Variants in PHACTR2 observed in about 807,000 individuals in gnomAD.
The protein encoded by PHACTR2 is phosphatase and actin regulator 2.
In PHACTR2, 30 loss-of-function variants were observed where a neutral mutation model predicts 76.0. That is an observed-to-expected ratio of 0.39 (90% CI 0.30 to 0.54). PHACTR2 has a LOEUF of 0.54. Among genes scored for constraint, PHACTR2 ranks in the 20% least tolerant of loss-of-function variants. The pLI, the probability that PHACTR2 is intolerant of heterozygous loss-of-function variation, is 0.61. For missense variants in PHACTR2, 696 were observed against 781.1 expected, an observed-to-expected ratio of 0.89 and a Z score of 1.30; for synonymous variants, 292 against 292.5, an observed-to-expected ratio of 1.00 and a Z score of 0.02.
chr6:143,563,728 G>A, intron 1 of PHACTR2, among the ~76,000 whole-genome samples: 1 of 151,914 alleles, frequency 6.6e-6, no homozygotes, highest in Non-Finnish European at 1.5e-5. Context: ...GCGCACGGTG[G>A]CTCATGCCTG....
Position 143,599,229 on chromosome 6 carries a change from T to G in PHACTR2, c.217+62022T>G, listed in dbSNP as rs1403462454. ...TAATCTAAAGCCTATGTGTTAATACTCTTTAAAAAAATAAAACTACTAGAT... is the reference window on the plus strand; with the variant it reads ...TAATCTAAAGCCTATGTGTTAATACGCTTTAAAAAAATAAAACTACTAGAT... On this transcript the variant is annotated intron_variant, in intron 1 of 11. Coordinates refer to the PHACTR2 transcript ENST00000367584. The surrounding 1 kb of genome is among the most constrained non-coding windows in gnomAD (Gnocchi z 4.6). 6.6e-6 allele frequency among the ~76,000 whole-genome samples: 1 copy of G among 152,226 alleles called. No homozygotes were observed. The highest frequency in any genetic ancestry group is 1.5e-5 in the Non-Finnish European group (1 of 68,044).
In PHACTR2 at chr6:143,755,420, T is replaced by C; in HGVS notation, c.454+1508T>C. 1 of 455,140 alleles carries C rather than the reference T, an allele frequency of 2.2e-6. No individual in the cohort carries two copies. Among genetic ancestry groups the C allele is most frequent in the Admixed American group, 2.4e-5 (1 of 42,470 alleles). The allele number at this position is 455,140 out of a possible 1,614,324, so 28.2% of individuals were successfully genotyped here. A position where few individuals can be genotyped will look rare whatever the true frequency, so the allele number is the denominator to read the frequency against. ...CTGGTGCCTGGTCCGTGCAGGGTAT[T>C]CGTCACTGGACTGGCCAGACATCAA... On this transcript the variant is annotated intron_variant, in intron 4 of 12. Transcript: ENST00000440869. The surrounding 1 kb of genome is among the most constrained non-coding windows in gnomAD (Gnocchi z 5.2).
chr6:143,650,942 G>T (rs111456008), intron 1 of PHACTR2, among the ~76,000 whole-genome samples: 1,741 of 152,042 alleles, frequency 0.011, 42 homozygotes, highest in African/African-American at 0.04. Flanking sequence ...ATCTGACAAA[G>T]GTCTAATATC....
At chr6:143,763,168 G>A (rs966874941) in intron 5 of PHACTR2, among the ~76,000 whole-genome samples, 16 of 152,086 alleles carry the variant, frequency 1.1e-4, no homozygotes, top group African/African-American at 3.9e-4. Flanking sequence ...AGACCAGCCT[G>A]TACAACATGG....
Position 143,585,690 on chromosome 6 carries a change from G to C in PHACTR2, c.217+48483G>C, listed in dbSNP as rs1392211369. Among the ~76,000 whole-genome samples the C allele has an allele frequency of 6.6e-6, 1 of 152,214 alleles. No individual in the cohort carries two copies. On this transcript the variant is annotated intron_variant, in intron 1 of 11. Coordinates refer to the PHACTR2 transcript ENST00000367584. The surrounding 1 kb of genome is among the most constrained non-coding windows in gnomAD (Gnocchi z 5.2). Reference sequence around the variant, plus strand: ...CTGCTTATCACCAGGCGTGGCACCTGATAGGTGCTCAAAAAATACCTGTGT... The same window carrying C: ...CTGCTTATCACCAGGCGTGGCACCTCATAGGTGCTCAAAAAATACCTGTGT...
intron 1 of PHACTR2, among the ~76,000 whole-genome samples, chr6:143,594,740 T>C (rs1300657872): frequency 2.0e-5 from 3 of 152,262 alleles, no homozygotes; most frequent in African/African-American, 7.2e-5. Flanking sequence ...GCACATGGGC[T>C]TCCTCTAGAG....
rs1778700691 is a variant in PHACTR2 at position 143,731,476 on chromosome 6, TG to T, written c.215-17506del. Reference sequence around the variant, plus strand: ...CTAATTCTGTATTTTTAGTAGAGATTGGGTTTCTCCATGTTGGTCAGGCTGG... The same window carrying T: ...CTAATTCTGTATTTTTAGTAGAGATTGGTTTCTCCATGTTGGTCAGGCTGG... On this transcript the variant is annotated intron_variant, in intron 2 of 12. Coordinates refer to ENST00000440869, the MANE Select transcript of PHACTR2 (RefSeq NM_001100164.2). The surrounding 1 kb of genome is among the most constrained non-coding windows in gnomAD (Gnocchi z 4.9). Among the ~76,000 whole-genome samples, 3 of 152,040 alleles carry T rather than the reference TG, an allele frequency of 2.0e-5. No individual in the cohort carries two copies. The highest frequency in any genetic ancestry group is 2.0e-4 in the Admixed American group (3 of 15,268).
chr6:143,666,464 C>T (rs1043922564), intron 1 of PHACTR2, among the ~76,000 whole-genome samples: 5 of 152,206 alleles, frequency 3.3e-5, no homozygotes, highest in Non-Finnish European at 7.3e-5. Flanking sequence ...GTGTCTTCCA[C>T]AATGTTTGAA....
chr6:143,612,651 C>T (rs1044242511), intron 1 of PHACTR2, among the ~76,000 whole-genome samples: 1 of 151,976 alleles, frequency 6.6e-6, no homozygotes, highest in African/African-American at 2.4e-5. Flanking sequence ...CATGCATTTG[C>T]ATGTGTATTG....
At position 143,784,710 on chromosome 6, in the gene PHACTR2, A is replaced by G. The variant is rs915097147; in HGVS notation, c.1707+1430A>G. On this transcript the variant is annotated intron_variant, in intron 10 of 12. Coordinates refer to ENST00000440869, the MANE Select transcript of PHACTR2 (RefSeq NM_001100164.2). This position sits in a 1 kb window ranked among gnomAD's most constrained non-coding sequence, Gnocchi z 4.5. ...TGGGAAGAAAAAGAGATTTAATTGG[A>G]CTTATAGTTCCACATGGCTGGGGAG... 6.6e-6 allele frequency among the ~76,000 whole-genome samples: 1 copy of G among 152,180 alleles called. No homozygotes were observed. The highest frequency in any genetic ancestry group is 1.5e-5 in the Non-Finnish European group (1 of 68,016).
chr6:143,585,030 C>T lies in PHACTR2; in HGVS notation c.217+47823C>T, dbSNP rs1276640476. Among the ~76,000 whole-genome samples, 1 of 149,482 alleles carries T rather than the reference C, an allele frequency of 6.7e-6. No individual in the cohort carries two copies. The highest frequency in any genetic ancestry group is 2.5e-5 in the African/African-American group (1 of 40,706). ...GCTTGGCTGTCATACCTTCTATAGG[C>T]TTGGCTGTCATAACTCAAGTTGTTG... is the stretch of plus-strand genomic sequence containing the variant. On this transcript the variant is annotated intron_variant, in intron 1 of 11. Transcript: ENST00000367584. The surrounding 1 kb of genome is among the most constrained non-coding windows in gnomAD (Gnocchi z 5.2).
intron 2 of PHACTR2, among the ~76,000 whole-genome samples, chr6:143,713,426 TTATAGA>T (rs1778227997): frequency 6.6e-6 from 1 of 152,304 alleles, no homozygotes; most frequent in South Asian, 2.1e-4. Flanking sequence ...ATTTCTCTGC[TTATAGA>T]TATTGGAAAA....
intron 2 of PHACTR2, 70 bp from the exon 3 acceptor site, chr6:143,748,915 A>G (rs926402955): frequency 8.6e-6 from 7 of 818,078 alleles, no homozygotes; most frequent in African/African-American, 1.7e-5. Flanking sequence ...GCTCAATTCT[A>G]CTTGGAATGT....
At chr6:143,804,342 T>C (rs1364451763) in intron 11 of PHACTR2, among the ~76,000 whole-genome samples, 1 of 152,190 alleles carries the variant, frequency 6.6e-6, no homozygotes, top group Admixed American at 6.5e-5. Context: ...CACTTTTTTT[T>C]ACATGGCAGC....
chr6:143,783,117 T>C lies in PHACTR2; in HGVS notation c.1646-102T>C. ...TTAACAATGTTGGTTGTGTGTTTGATCATTATTTGTTAGAGTCACATGATC... is the reference window on the plus strand; with the variant it reads ...TTAACAATGTTGGTTGTGTGTTTGACCATTATTTGTTAGAGTCACATGATC... On this transcript the variant is annotated intron_variant, in intron 9 of 12. Transcript: ENST00000440869. This position sits in a 1 kb window ranked among gnomAD's most constrained non-coding sequence, Gnocchi z 5.2. 1 of 679,122 alleles carries C rather than the reference T, an allele frequency of 1.5e-6. No individual in the cohort carries two copies. Among genetic ancestry groups the C allele is most frequent in the Non-Finnish European group, 2.6e-6 (1 of 381,218 alleles). 42.1% of individuals were successfully genotyped at this position (679,122 alleles called of 1,614,324 possible). A position where few individuals can be genotyped will look rare whatever the true frequency, so the allele number is the denominator to read the frequency against.
intron 1 of PHACTR2, among the ~76,000 whole-genome samples, chr6:143,635,842 T>G (rs1776443402): frequency 6.6e-6 from 1 of 152,184 alleles, no homozygotes; most frequent in South Asian, 2.1e-4. Context: ...CTTTTCATCT[T>G]TATAAGCTTT....
intron 4 of PHACTR2, among the ~76,000 whole-genome samples, chr6:143,759,952 G>A (rs1027067536): frequency 9.2e-5 from 14 of 152,144 alleles, no homozygotes; most frequent in African/African-American, 3.4e-4. Flanking sequence ...TCCAGCAGTT[G>A]CTGTAGCTGT....
At chr6:143,771,194 GTA>G (rs769993035) in intron 6 of PHACTR2, among the ~76,000 whole-genome samples, 1,517 of 40,332 alleles carry the variant, frequency 0.038, 51 homozygotes, top group Non-Finnish European at 0.042. Context: ...ATATATGTGT[GTA>G]TATATATATA....
chr6:143,813,124 T>C (rs1031584714), intron 12 of PHACTR2, among the ~76,000 whole-genome samples: 3 of 145,390 alleles, frequency 2.1e-5, no homozygotes, highest in African/African-American at 7.3e-5. Context: ...AATGATGACA[T>C]TTTTGGAGTA....
Sources: allele counts gnomAD v4.1 joint callset (sites outside exome capture counted in the v4.1 genomes callset), GRCh38; gene constraint gnomAD v4.1.1; non-coding constraint Gnocchi (gnomAD v3.1); transcripts MANE v1.5; gene names NCBI Gene and HGNC (gene_info 2026-07-23, HGNC 2026-07-21).